DLG2: variants seen among roughly 807,000 people sequenced by gnomAD.
DLG2 encodes discs large MAGUK scaffold protein 2, also known as disks large homolog 2.
DLG2 carries 45 observed loss-of-function variants against 132.5 expected under a neutral mutation model. The observed-to-expected ratio is 0.34, with a 90% CI of 0.27 to 0.44. The LOEUF (loss-of-function observed/expected upper bound fraction) is 0.44. Among genes scored for constraint, DLG2 ranks in the 20% least tolerant of loss-of-function variants. The pLI is 1.00. For synonymous variants in DLG2, 424 were observed against 419.6 expected (o/e 1.01, Z -0.13); for missense variants, 1,045 against 1,196.9 (o/e 0.87, Z 1.87).
At chr11:83,466,970 C>T (rs938199142) in intron 25 of DLG2, among the ~76,000 whole-genome samples, 153 bp from the exon 26 acceptor site, 2 of 152,058 alleles carry the variant, frequency 1.3e-5, no homozygotes, top group African/African-American at 2.4e-5. Context: ...AAATAAAAAT[C>T]GATATATAGG....
At chr11:83,853,392 T>C (rs11607326) in intron 16 of DLG2, among the ~76,000 whole-genome samples, 1 of 151,946 alleles carries the variant, frequency 6.6e-6, no homozygotes, top group Admixed American at 6.6e-5. Flanking sequence ...ACACTCTATC[T>C]TTTTATCCAT....
chr11:85,183,172 C>T (rs767945119), intron 4 of DLG2, among the ~76,000 whole-genome samples: 3 of 151,764 alleles, frequency 2.0e-5, no homozygotes, highest in African/African-American at 4.8e-5. Flanking sequence ...GTCTGAAGTA[C>T]GTGATCCAGT....
chr11:83,562,521 T>A (rs1265035881), intron 19 of DLG2, among the ~76,000 whole-genome samples: 1 of 152,080 alleles, frequency 6.6e-6, no homozygotes, highest in African/African-American at 2.4e-5. Flanking sequence ...GAGATAGAAA[T>A]ACAAGGCTAT....
chr11:83,974,268 T>A (rs932520442), intron 12 of DLG2, among the ~76,000 whole-genome samples: 3 of 152,072 alleles, frequency 2.0e-5, no homozygotes, highest in Non-Finnish European at 4.4e-5. Flanking sequence ...ATCAGGCAAT[T>A]TTGTAGATTT....
intron 5 of DLG2, among the ~76,000 whole-genome samples, chr11:85,135,992 T>C (rs1020488362): frequency 4.6e-5 from 7 of 152,142 alleles, no homozygotes; most frequent in Non-Finnish European, 7.4e-5. Flanking sequence ...GGAAGAACCA[T>C]AGGAGTTAAC....
chr11:84,366,850 C>T (rs895401819), intron 7 of DLG2, among the ~76,000 whole-genome samples: 2 of 152,100 alleles, frequency 1.3e-5, no homozygotes, highest in African/African-American at 4.8e-5. Context: ...TAGACTCCCA[C>T]ACATTAATAA....
At chr11:83,566,635 A>G (rs2096713560) in intron 19 of DLG2, among the ~76,000 whole-genome samples, 1 of 151,512 alleles carries the variant, frequency 6.6e-6, no homozygotes, top group Non-Finnish European at 1.5e-5. Context: ...TAAAGAAATA[A>G]TTCTCTTTCT....
At chr11:84,731,444 C>T (rs1205581284) in intron 6 of DLG2, among the ~76,000 whole-genome samples, 1 of 151,772 alleles carries the variant, frequency 6.6e-6, no homozygotes, top group Non-Finnish European at 1.5e-5. Flanking sequence ...AGGGGAATCT[C>T]ATCTAAAAAT....
chr11:84,823,435 C>A (rs1167674292), intron 6 of DLG2, among the ~76,000 whole-genome samples: 1 of 151,766 alleles, frequency 6.6e-6, no homozygotes, highest in East Asian at 1.9e-4. Context: ...ATACTCCAGC[C>A]TCTAACCTTT....
chr11:85,163,812 A>C (rs2078224990), intron 4 of DLG2, among the ~76,000 whole-genome samples: 1 of 152,066 alleles, frequency 6.6e-6, no homozygotes, highest in Admixed American at 6.6e-5. Flanking sequence ...TGTAGGGGAG[A>C]AAAAAATAGC....
chr11:83,996,620 G>T (rs993149929), intron 11 of DLG2, among the ~76,000 whole-genome samples: 1 of 152,144 alleles, frequency 6.6e-6, no homozygotes, highest in African/African-American at 2.4e-5. Flanking sequence ...CATACACAAT[G>T]GAGAACTATT....
At chr11:84,233,625 C>T (rs1265936411) in intron 8 of DLG2, among the ~76,000 whole-genome samples, 5 of 152,170 alleles carry the variant, frequency 3.3e-5, no homozygotes, top group Admixed American at 2.6e-4. Flanking sequence ...AAATTCATCC[C>T]CTGTGCAAAT....
intron 25 of DLG2, 60 bp downstream of exon 25, chr11:83,469,141 A>G: frequency 7.5e-7 from 1 of 1,341,378 alleles, no homozygotes; most frequent in South Asian, 1.6e-5. Context: ...AAAAAAAAAA[A>G]TGCAGTTTGC....
chr11:84,660,075 A>C (rs1207305033), intron 6 of DLG2, among the ~76,000 whole-genome samples: 1 of 152,048 alleles, frequency 6.6e-6, no homozygotes, highest in Non-Finnish European at 1.5e-5. Context: ...CTGGGGCTCC[A>C]TCACATACTG....
At chr11:83,782,602 G>A (rs2094877715) in intron 18 of DLG2, among the ~76,000 whole-genome samples, 1 of 152,196 alleles carries the variant, frequency 6.6e-6, no homozygotes, top group Admixed American at 6.5e-5. Context: ...CAGGTGGAAA[G>A]GGAGAAAGGC....
At chr11:85,628,090 A>G (rs2082113677), upstream of DLG2, among the ~76,000 whole-genome samples, 1 of 152,108 alleles carries the variant, frequency 6.6e-6, no homozygotes, top group South Asian at 2.1e-4. Flanking sequence ...GAGGAGTCAG[A>G]CGGCTGAGAG....
intron 6 of DLG2, among the ~76,000 whole-genome samples, chr11:84,793,217 T>C (rs1464591785): frequency 6.6e-6 from 1 of 152,206 alleles, no homozygotes; most frequent in Non-Finnish European, 1.5e-5. Context: ...TGTTGTAATG[T>C]TTCAAAATTC....
At chr11:84,523,027 C>T (rs1029728599) in intron 7 of DLG2, among the ~76,000 whole-genome samples, 13 of 152,108 alleles carry the variant, frequency 8.5e-5, no homozygotes. Context: ...ATTTGAATAA[C>T]ACACCCTTAC....
At chr11:84,004,694 C>A (rs1232755900) in intron 11 of DLG2, among the ~76,000 whole-genome samples, 1 of 151,600 alleles carries the variant, frequency 6.6e-6, no homozygotes, top group Non-Finnish European at 1.5e-5. Flanking sequence ...GTTACAGAAA[C>A]CAAATACCTA....
Sources: allele counts gnomAD v4.1 joint callset (sites outside exome capture counted in the v4.1 genomes callset), GRCh38; gene constraint gnomAD v4.1.1; transcripts MANE v1.5; gene names NCBI Gene and HGNC (gene_info 2026-07-23, HGNC 2026-07-21).